KCNT1: variants seen among roughly 807,000 people sequenced by gnomAD.
KCNT1 encodes potassium channel subfamily T member 1.
In KCNT1, 78 loss-of-function variants were observed where a neutral mutation model predicts 147.8. The observed-to-expected ratio is 0.53, with a 90% CI of 0.44 to 0.64. The LOEUF is 0.64. KCNT1 is among the 30% of genes least tolerant of loss of function. The pLI is 0.00. For missense variants in KCNT1, 1,419 were observed against 1,750.3 expected (o/e 0.81, Z 3.38); for synonymous variants, 867 against 748.8 (o/e 1.16, Z -2.58).
chr9:135,767,278 G>A (rs1832351357), intron 13 of KCNT1, among the ~76,000 whole-genome samples: 1 of 152,202 alleles, frequency 6.6e-6, no homozygotes, highest in Non-Finnish European at 1.5e-5. Context: ...AGTGGGGAGA[G>A]GGCAAGGGCG....
At chr9:135,740,815 A>T (rs1830529008) in intron 2 of KCNT1, among the ~76,000 whole-genome samples, 1 of 152,226 alleles carries the variant, frequency 6.6e-6, no homozygotes, top group Non-Finnish European at 1.5e-5. Context: ...CAGGCCACCA[A>T]CCGCTGGGAC....
chr9:135,769,501 C>T (rs939921469), intron 15 of KCNT1, among the ~76,000 whole-genome samples: 1 of 152,202 alleles, frequency 6.6e-6, no homozygotes, highest in Admixed American at 6.5e-5. Context: ...CAGATGAAGT[C>T]TTATGCTGGG....
chr9:135,788,090 T>C, intron 29 of KCNT1: 1 of 1,597,166 alleles, frequency 6.3e-7, no homozygotes, highest in Non-Finnish European at 8.6e-7. Context: ...TCTTTCTGTG[T>C]GTTCTGTAGA....
intron 4 of KCNT1, among the ~76,000 whole-genome samples, chr9:135,751,485 A>G (rs1350086654): frequency 6.6e-6 from 1 of 152,206 alleles, no homozygotes; most frequent in East Asian, 1.9e-4. Flanking sequence ...CCCAGGGCCC[A>G]TCGTCCTGGG....
At chr9:135,733,080 G>T (rs1340835220) in intron 2 of KCNT1, among the ~76,000 whole-genome samples, 1 of 152,010 alleles carries the variant, frequency 6.6e-6, no homozygotes, top group Non-Finnish European at 1.5e-5. Flanking sequence ...CCTCCAGGAG[G>T]TCTGTGATGC....
chr9:135,723,292 A>G (rs1211348928), intron 2 of KCNT1, among the ~76,000 whole-genome samples: 1 of 152,182 alleles, frequency 6.6e-6, no homozygotes, highest in Non-Finnish European at 1.5e-5. Context: ...CAAAAGCAAA[A>G]GCGTTGGTGG....
At chr9:135,775,846 G>A (rs904948574) in intron 20 of KCNT1, among the ~76,000 whole-genome samples, 7 of 152,188 alleles carry the variant, frequency 4.6e-5, no homozygotes, top group African/African-American at 7.2e-5. Context: ...AGCGTCCTGC[G>A]TGGCAGTGTT....
intron 21 of KCNT1, 132 bp downstream of exon 21, chr9:135,777,642 T>A: frequency 1.2e-6 from 1 of 829,020 alleles, no homozygotes; most frequent in Non-Finnish European, 1.9e-6. Flanking sequence ...CCTGGTCCTC[T>A]CAGCTTTCCT....
chr9:135,732,031 GAGAGAGAGA>G (rs1836501448), intron 2 of KCNT1, among the ~76,000 whole-genome samples: 3 of 141,308 alleles, frequency 2.1e-5, no homozygotes, highest in Admixed American at 2.1e-4. Context: ...GAGAGAGAGA[GAGAGAGAGA>G]GGGAGTCTCA....
Position 135,778,349 on chromosome 9 carries a change from G to A in KCNT1, c.2523-75G>A, listed in dbSNP as rs372786992. The A allele has an allele frequency of 8.8e-6, 12 of 1,366,130 alleles. No individual in the cohort carries two copies. In the African/African-American group the frequency reaches 1.6e-4, roughly 18 times the overall value. 84.6% of individuals were successfully genotyped at this position (1,366,130 alleles called of 1,614,324 possible). A position where few individuals can be genotyped will look rare whatever the true frequency, so the allele number is the denominator to read the frequency against. On this transcript the variant is annotated intron_variant, in intron 21 of 30. Transcript: ENST00000371757. The stretch of plus-strand genomic sequence containing the variant: ...GCCTGGCCCAGCTCTGTGCATGGAG[G>A]GTAGGGCCCCACTGGGCCTGAGGAG...
chr9:135,748,801 G>A (rs977490538), intron 2 of KCNT1, among the ~76,000 whole-genome samples: 4 of 152,230 alleles, frequency 2.6e-5, no homozygotes, highest in Non-Finnish European at 2.9e-5. Context: ...GAGCTCACTG[G>A]ACTGCGTGTT....
At chr9:135,789,684 G>A (rs968656889) in intron 29 of KCNT1, 14 of 151,854 alleles carry the variant, frequency 9.2e-5, no homozygotes, top group African/African-American at 3.4e-4. Context: ...GCAGGGTTAG[G>A]AAGCGGGTTG....
chr9:135,778,408 A>G lies in KCNT1; in HGVS notation c.2523-16A>G. On this transcript the variant is annotated splice_polypyrimidine_tract_variant and intron_variant, in intron 21 of 30. Coordinates refer to ENST00000371757, the MANE Select transcript of KCNT1 (RefSeq NM_020822.3). ...TTGAAGCAGGGTGGGCCCCTCCAGG[A>G]CCGCTGTCCCCACAGGCCCGACCAC... The G allele has an allele frequency of 6.5e-7, 1 of 1,550,070 alleles. No individual in the cohort carries two copies.
rs143490814 is a variant in KCNT1, at chr9:135,746,626, C to G, written c.255-3472C>G. On this transcript the variant is annotated intron_variant, in intron 2 of 30. Coordinates refer to ENST00000371757, the MANE Select transcript of KCNT1 (RefSeq NM_020822.3). ...CCAGGCAGCTGCAGAGGCCCAAGGC[C>G]CAGAGGTCCAGCTGCACCAGGTCCA... Among the ~76,000 whole-genome samples, 665 of 152,304 alleles carry G rather than the reference C, an allele frequency of 4.4e-3. 5 individuals are homozygous for G. Among genetic ancestry groups the G allele is most frequent in the Middle Eastern group, 0.02 (6 of 294 alleles).
At chr9:135,713,376 G>A (rs12347606) in intron 1 of KCNT1, among the ~76,000 whole-genome samples, 2,404 of 152,362 alleles carry the variant, frequency 0.016, 70 homozygotes, top group African/African-American at 0.055. Context: ...GCAGGGTTTG[G>A]GGCACGCACC....
At chr9:135,764,420 A>T (rs899624615) in intron 11 of KCNT1, among the ~76,000 whole-genome samples, 1 of 152,200 alleles carries the variant, frequency 6.6e-6, no homozygotes, top group Non-Finnish European at 1.5e-5. Context: ...TGATTGCACC[A>T]CGGCACTCCA....
At chr9:135,757,055 C>G (rs1831539714) in intron 7 of KCNT1, 101 bp from the exon 8 acceptor site, 2 of 1,093,244 alleles carry the variant, frequency 1.8e-6, no homozygotes, top group East Asian at 2.6e-5. Context: ...CCACTGACCT[C>G]CAGGGTGGGC....
Position 135,792,322 on chromosome 9 carries a change from G to C in KCNT1, c.*161G>C, listed in dbSNP as rs878859326. 8.5e-6 allele frequency: 8 copies of C among 940,754 alleles called. No homozygotes were observed. The highest frequency in any genetic ancestry group is 2.8e-5 in the East Asian group (1 of 36,104). 58.3% of individuals were successfully genotyped at this position (940,754 alleles called of 1,614,324 possible). A position where few individuals can be genotyped will look rare whatever the true frequency, so the allele number is the denominator to read the frequency against. On this transcript the variant is annotated 3_prime_UTR_variant, in exon 31 of 31. Coordinates refer to ENST00000371757, the MANE Select transcript of KCNT1 (RefSeq NM_020822.3). ...CCCTGGAAAGGAGCCCCTCATGCGG[G>C]GGGAGGGCCAGCTCACCCCTGGGCA... is the stretch of plus-strand genomic sequence containing the variant.
chr9:135,726,733 T>C (rs1457760576), intron 2 of KCNT1, among the ~76,000 whole-genome samples: 310 of 91,490 alleles, frequency 3.4e-3, no homozygotes, highest in Middle Eastern at 0.01. Flanking sequence ...CTCTCTACCT[T>C]TCCCTCCCTC....
Sources: gnomAD v4.1 joint callset for allele counts (sites outside exome capture counted in the v4.1 genomes callset) on GRCh38, gnomAD v4.1.1 for gene constraint, MANE v1.5 for transcripts, NCBI Gene and HGNC (gene_info 2026-07-23, HGNC 2026-07-21) for gene names.